Variants in KIAA0825 observed in about 807,000 individuals in gnomAD.
KIAA0825 encodes uncharacterized protein KIAA0825.
A neutral mutation model predicts 147.6 loss-of-function variants in KIAA0825; 119 were observed. The ratio of observed to expected loss-of-function variants is 0.81; its 90% CI spans 0.69 to 0.94. The LOEUF (loss-of-function observed/expected upper bound fraction) is 0.94. Ranked by LOEUF, KIAA0825 falls within the 40% of genes least tolerant of loss-of-function variation. The pLI is 0.00. For synonymous variants in KIAA0825, 470 were observed against 518.1 expected (o/e 0.91, Z 1.26); for missense variants, 1,381 against 1,472.7 (o/e 0.94, Z 1.02).
intron 5 of KIAA0825, among the ~76,000 whole-genome samples, chr5:94,500,736 G>A (rs1764973707): frequency 6.6e-6 from 1 of 152,138 alleles, no homozygotes; most frequent in Non-Finnish European, 1.5e-5. Context: ...AAACAAAAGA[G>A]ATCTCCGGAT....
intron 20 of KIAA0825, among the ~76,000 whole-genome samples, chr5:94,365,226 TCTC>T (rs1355750274): frequency 6.6e-5 from 10 of 152,128 alleles, no homozygotes; most frequent in South Asian, 2.1e-4. Flanking sequence ...AAAGAGCTAT[TCTC>T]CTTTCTCTTT....
chr5:94,377,972 A>G (rs1481061039), intron 20 of KIAA0825, among the ~76,000 whole-genome samples: 1 of 152,256 alleles, frequency 6.6e-6, no homozygotes, highest in Non-Finnish European at 1.5e-5. Flanking sequence ...GTCTTGGAGT[A>G]TAAAACAGAC....
intron 1 of KIAA0825, chr5:94,592,739 T>C: frequency 3.2e-6 from 1 of 315,624 alleles, no homozygotes; most frequent in South Asian, 3.7e-5. Context: ...TACAGACGGT[T>C]TTGTTTACCT....
chr5:94,363,539 ATTGT>A (rs1168305029), intron 20 of KIAA0825, among the ~76,000 whole-genome samples: 1 of 152,182 alleles, frequency 6.6e-6, no homozygotes, highest in Non-Finnish European at 1.5e-5. Context: ...CAACATCCGC[ATTGT>A]TTAACTTCTA....
In KIAA0825 at chr5:94,520,596, C is replaced by G. The variant is rs373822700; in HGVS notation, c.622G>C (p.Val208Leu). 45 of 1,613,272 alleles carry G rather than the reference C, an allele frequency of 2.8e-5. No homozygotes were observed. The Middle Eastern group carries it at 4.9e-4, about 18-fold the overall frequency. Residue 208 changes from valine to leucine, a missense_variant, in exon 5 of 21, where the codon GTT becomes CTT. Val to Leu is a conservative substitution (Grantham distance 32, BLOSUM62 1). Coordinates refer to ENST00000682413, the MANE Select transcript of KIAA0825 (RefSeq NM_001145678.3). Reference sequence around the variant, plus strand: ...TGTATGTTTTGGTATTTGATTATAACTTCTGATTCTGGATAAAGAAACAAG... The same window carrying G: ...TGTATGTTTTGGTATTTGATTATAAGTTCTGATTCTGGATAAAGAAACAAG... ...QLLFLYPESE[V>L]IIKYQNIQNK...
chr5:94,602,594 G>C (rs1030431113), intron 1 of KIAA0825, among the ~76,000 whole-genome samples: 17 of 152,110 alleles, frequency 1.1e-4, no homozygotes, highest in African/African-American at 3.6e-4. Flanking sequence ...GATAGTGAGT[G>C]AGTTCTCACA....
chr5:94,614,365 G>A (rs1024524182), intron 1 of KIAA0825, among the ~76,000 whole-genome samples: 34 of 152,048 alleles, frequency 2.2e-4, no homozygotes, highest in African/African-American at 7.2e-4. Flanking sequence ...ACAAATGGGC[G>A]TTTTTCCATA....
chr5:94,321,850 G>GTA (rs1435884355), intron 20 of KIAA0825, among the ~76,000 whole-genome samples: 1 of 151,850 alleles, frequency 6.6e-6, no homozygotes, highest in African/African-American at 2.4e-5. Context: ...GATACTGAAG[G>GTA]TATAGAATTC....
chr5:94,477,734 A>C (rs1157058932), intron 6 of KIAA0825, among the ~76,000 whole-genome samples: 1 of 152,094 alleles, frequency 6.6e-6, no homozygotes. Flanking sequence ...AAAAACACAA[A>C]CTCTGAGACA....
intron 20 of KIAA0825, among the ~76,000 whole-genome samples, chr5:94,267,779 C>A (rs1167851510): frequency 1.3e-5 from 2 of 152,114 alleles, no homozygotes; most frequent in African/African-American, 4.8e-5. Context: ...TTTACGTTCT[C>A]TTTTTTTCCC....
intron 5 of KIAA0825, among the ~76,000 whole-genome samples, chr5:94,516,528 G>C (rs1767263822): frequency 6.6e-6 from 1 of 152,170 alleles, no homozygotes; most frequent in African/African-American, 2.4e-5. Flanking sequence ...CGTGGGCCGG[G>C]CGCGGTGGCT....
intron 3 of KIAA0825, among the ~76,000 whole-genome samples, chr5:94,533,072 G>C (rs1771178588): frequency 6.7e-6 from 1 of 150,192 alleles, no homozygotes; most frequent in South Asian, 2.1e-4. Flanking sequence ...TCTGCCTCCC[G>C]GGTTCACGCC....
At chr5:94,517,814 A>C (rs1267131931) in intron 5 of KIAA0825, among the ~76,000 whole-genome samples, 1 of 152,024 alleles carries the variant, frequency 6.6e-6, no homozygotes, top group Non-Finnish European at 1.5e-5. Flanking sequence ...GATTCAGAGA[A>C]ATGTTTTTAA....
At chr5:94,327,071 G>A (rs1780771115) in intron 20 of KIAA0825, among the ~76,000 whole-genome samples, 1 of 152,196 alleles carries the variant, frequency 6.6e-6, no homozygotes, top group Non-Finnish European at 1.5e-5. Context: ...GCTGGTGTTT[G>A]AGGGTACCTA....
intron 2 of KIAA0825, among the ~76,000 whole-genome samples, chr5:94,543,027 G>A (rs1016638458): frequency 6.6e-6 from 1 of 152,178 alleles, no homozygotes; most frequent in African/African-American, 2.4e-5. Flanking sequence ...CCTGTGGTAA[G>A]TAAAGAATGT....
At chr5:94,371,350 T>C (rs1282684125) in intron 20 of KIAA0825, among the ~76,000 whole-genome samples, 4 of 152,104 alleles carry the variant, frequency 2.6e-5, no homozygotes, top group Non-Finnish European at 4.4e-5. Flanking sequence ...GTAATATTAA[T>C]AGTATTATTT....
intron 16 of KIAA0825, among the ~76,000 whole-genome samples, chr5:94,397,060 G>C (rs1750755173): frequency 6.6e-6 from 1 of 151,646 alleles, no homozygotes; most frequent in Admixed American, 6.6e-5. Flanking sequence ...CTCTCTTTTG[G>C]GGATCCCCAT....
rs58456943 is a variant in KIAA0825 at position 94,499,587 on chromosome 5, G to T, written c.971-14657C>A. 3.6e-3 allele frequency among the ~76,000 whole-genome samples: 203 copies of T among 56,652 alleles called. 2 individuals are homozygous for T. The highest frequency in any genetic ancestry group is 0.026 in the African/African-American group (193 of 7,502). 37.2% of individuals were successfully genotyped at this position (56,652 alleles called of 152,430 possible). On this transcript the variant is annotated intron_variant, in intron 5 of 20. Transcript: ENST00000682413. The stretch of plus-strand genomic sequence containing the variant: ...TATTCATATTTTATTTCCCAATCTG[G>T]GGGGGGGGGGGGACCAAGGGTCTTA...
intron 15 of KIAA0825, among the ~76,000 whole-genome samples, chr5:94,411,543 A>G (rs1436860592): frequency 1.3e-5 from 2 of 152,240 alleles, no homozygotes; most frequent in Non-Finnish European, 2.9e-5. Context: ...TCCATCATAG[A>G]ACTAAACATG....
Sources: gnomAD v4.1 joint callset for allele counts (sites outside exome capture counted in the v4.1 genomes callset) on GRCh38, gnomAD v4.1.1 for gene constraint, MANE v1.5 for transcripts, NCBI Gene and HGNC (gene_info 2026-07-23, HGNC 2026-07-21) for gene names.